Variants in DLGAP1 observed in about 807,000 individuals in gnomAD.
DLGAP1 encodes the protein DLG associated protein 1.
Under a neutral mutation model 90.8 loss-of-function variants are expected in DLGAP1, and 11 were observed. The ratio of observed to expected loss-of-function variants is 0.12; its 90% CI spans 0.08 to 0.20. The LOEUF (loss-of-function observed/expected upper bound fraction) is 0.20. Among genes scored for constraint, DLGAP1 ranks in the 10% least tolerant of loss-of-function variants. The pLI, the probability that DLGAP1 is intolerant of heterozygous loss-of-function variation, is 1.00. For missense variants in DLGAP1, 1,050 were observed against 1,333.8 expected (o/e 0.79, Z 3.31); for synonymous variants, 558 against 540.7 (o/e 1.03, Z -0.44).
At chr18:4,242,611 G>C (rs936843451) in intron 1 of DLGAP1, among the ~76,000 whole-genome samples, 2 of 152,166 alleles carry the variant, frequency 1.3e-5, no homozygotes, top group Non-Finnish European at 2.9e-5. Flanking sequence ...GCACACCTGG[G>C]AGGAAGAAAG....
chr18:4,003,016 T>C (rs1461900967), intron 3 of DLGAP1, among the ~76,000 whole-genome samples: 2 of 152,172 alleles, frequency 1.3e-5, no homozygotes. Flanking sequence ...TCCTGTGTGA[T>C]TACTAGGCTA....
At chr18:3,975,316 A>G (rs1235506290) in intron 3 of DLGAP1, among the ~76,000 whole-genome samples, 1 of 152,234 alleles carries the variant, frequency 6.6e-6, no homozygotes, top group Non-Finnish European at 1.5e-5. Context: ...TTCTCCAAAC[A>G]GGATATGCAA....
chr18:3,652,246 T>C (rs1335489478), intron 7 of DLGAP1, among the ~76,000 whole-genome samples: 4 of 151,976 alleles, frequency 2.6e-5, no homozygotes, highest in Non-Finnish European at 5.9e-5. Flanking sequence ...ATCAATACAT[T>C]AGGAATATTT....
intron 11 of DLGAP1, 134 bp from the exon 12 acceptor site, chr18:3,502,779 AG>A: frequency 1.1e-6 from 1 of 939,540 alleles, no homozygotes. Flanking sequence ...ACGAGGTAAA[AG>A]TGAGGTTACA....
At chr18:4,034,550 G>C (rs2074857272) in intron 2 of DLGAP1, among the ~76,000 whole-genome samples, 1 of 152,126 alleles carries the variant, frequency 6.6e-6, no homozygotes, top group Admixed American at 6.5e-5. Context: ...CTCCTGAAAA[G>C]ATCTCTAGCA....
chr18:4,077,226 G>T (rs1281883825), intron 2 of DLGAP1, among the ~76,000 whole-genome samples: 1 of 151,980 alleles, frequency 6.6e-6, no homozygotes, highest in Non-Finnish European at 1.5e-5. Flanking sequence ...TGATTTTTTT[G>T]GTGACACCAA....
chr18:3,985,515 G>A (rs894335929), intron 3 of DLGAP1, among the ~76,000 whole-genome samples: 1 of 133,400 alleles, frequency 7.5e-6, no homozygotes, highest in Non-Finnish European at 1.6e-5. Flanking sequence ...CTGGGCCTTC[G>A]ACTTACTTTT....
At chr18:4,320,695 G>A (rs2143589645) in intron 1 of DLGAP1, among the ~76,000 whole-genome samples, 1 of 150,006 alleles carries the variant, frequency 6.7e-6, no homozygotes, top group African/African-American at 2.4e-5. Context: ...AACATCTGTG[G>A]TGGAAACCCT....
intron 2 of DLGAP1, among the ~76,000 whole-genome samples, chr18:4,030,499 C>G (rs1177632896): frequency 6.6e-6 from 1 of 152,202 alleles, no homozygotes; most frequent in Admixed American, 6.5e-5. Context: ...AGAGGAACAT[C>G]TGAACCTCCA....
rs1212314871 is a variant in DLGAP1 at position 4,179,597 on chromosome 18, G to T, written c.-266-28310C>A. 2.0e-5 allele frequency among the ~76,000 whole-genome samples: 3 copies of T among 152,078 alleles called. No homozygotes were observed. In the East Asian group the frequency reaches 5.8e-4, roughly 29 times the overall value. Reference sequence around the variant, plus strand: ...TGAGACACAGAGTAACTTATTCAAGGTCACACAGCTGGTTATGAGAAGTAT... The same window carrying T: ...TGAGACACAGAGTAACTTATTCAAGTTCACACAGCTGGTTATGAGAAGTAT... On this transcript the variant is annotated intron_variant, in intron 1 of 12. Transcript: ENST00000315677.
intron 3 of DLGAP1, among the ~76,000 whole-genome samples, chr18:3,969,907 T>C (rs148831005): frequency 4.1e-4 from 62 of 152,324 alleles, no homozygotes; most frequent in African/African-American, 1.3e-3. Flanking sequence ...ATACTTCTGA[T>C]AAAGGGCCTT....
At chr18:3,665,984 C>T (rs2059864996) in intron 7 of DLGAP1, among the ~76,000 whole-genome samples, 1 of 152,152 alleles carries the variant, frequency 6.6e-6, no homozygotes, top group Admixed American at 6.5e-5. Context: ...GAGCTGGAAA[C>T]AAAACACAGG....
At chr18:4,251,386 C>T (rs547440558) in intron 1 of DLGAP1, among the ~76,000 whole-genome samples, 6 of 152,156 alleles carry the variant, frequency 3.9e-5, no homozygotes, top group Admixed American at 6.5e-5. Flanking sequence ...CAGTGAGTTG[C>T]GGGCAGGCAA....
At chr18:3,923,273 T>G (rs983800949) in intron 3 of DLGAP1, among the ~76,000 whole-genome samples, 17 of 152,110 alleles carry the variant, frequency 1.1e-4, no homozygotes, top group Admixed American at 6.6e-5. Flanking sequence ...CTTAAATATC[T>G]TTTGGATGAA....
In DLGAP1 at chr18:3,669,115, A is replaced by C. The variant is rs555015652; in HGVS notation, c.1591+60020T>G. ...ATAAGTGTTTGTTAAATGAAAATAA[A>C]TGTTGTACAATTTCAGTCTTTAAGA... On this transcript the variant is annotated intron_variant, in intron 7 of 12. Transcript: ENST00000315677. 2.5e-5 allele frequency among the ~76,000 whole-genome samples: 3 copies of C among 120,362 alleles called. No individual in the cohort carries two copies. The East Asian group carries it at 6.7e-4, about 27-fold the overall frequency. The allele number at this position is 120,362 out of a possible 152,430, so 79.0% of individuals were successfully genotyped here.
rs745723251 is a variant in DLGAP1 at position 3,879,539 on chromosome 18, C to A, written c.530G>T (p.Arg177Leu). The A allele has an allele frequency of 4.4e-6, 7 of 1,599,762 alleles. No homozygotes were observed. The African/African-American group carries it at 9.4e-5, about 21-fold the overall frequency. ...KASPDEAQAA[R>L]YGKRSKSKER... ...CTTGCTCTTGCTGCGTTTGCCATAG[C>A]GCGCCGCCTGCGCCTCGTCAGGGCT... The change falls in exon 4 of 13, where the codon CGC becomes CTC. Residue 177 changes from arginine (R) to leucine (L), a missense_variant. By Grantham distance (102) the Arg-to-Leu change is moderately radical. Coordinates refer to ENST00000315677, the MANE Select transcript of DLGAP1 (RefSeq NM_004746.4). This position sits in a 1 kb window ranked among gnomAD's most constrained non-coding sequence, Gnocchi z 6.6.
rs2071972845 is a variant in DLGAP1 at position 3,908,916 on chromosome 18, G to A, written c.-72-28776C>T. Among the ~76,000 whole-genome samples, 3 of 152,150 alleles carry A rather than the reference G, an allele frequency of 2.0e-5. No individual in the cohort carries two copies. The South Asian group carries it at 6.2e-4, about 32-fold the overall frequency. On this transcript the variant is annotated intron_variant, in intron 3 of 12. Coordinates refer to ENST00000315677, the MANE Select transcript of DLGAP1 (RefSeq NM_004746.4). ...GTAAAATGCTTACAGCACAGTAATA[G>A]GACCCCTCATTCATCTTCTTCTCTA... is the stretch of plus-strand genomic sequence containing the variant.
chr18:4,044,527 G>T (rs2075020286), intron 2 of DLGAP1, among the ~76,000 whole-genome samples: 1 of 152,180 alleles, frequency 6.6e-6, no homozygotes, highest in African/African-American at 2.4e-5. Flanking sequence ...TGGACCATGA[G>T]GTCAGGAGTT....
At chr18:3,512,740 G>A (rs1334827128) in intron 10 of DLGAP1, among the ~76,000 whole-genome samples, 1 of 152,216 alleles carries the variant, frequency 6.6e-6, no homozygotes, top group Non-Finnish European at 1.5e-5. Flanking sequence ...GACATCTGCT[G>A]TGGCCAATCC....
Sources: gnomAD v4.1 joint callset for allele counts (sites outside exome capture counted in the v4.1 genomes callset) on GRCh38, gnomAD v4.1.1 for gene constraint, Gnocchi (gnomAD v3.1) non-coding constraint, MANE v1.5 for transcripts, NCBI Gene and HGNC (gene_info 2026-07-23, HGNC 2026-07-21) for gene names.